Variants in FLI1 observed in about 807,000 individuals in gnomAD.
FLI1 encodes Friend leukemia integration 1 transcription factor.
Under a neutral mutation model 53.1 loss-of-function variants are expected in FLI1, and 13 were observed. The observed-to-expected ratio is 0.24, with a 90% CI of 0.16 to 0.39. FLI1 has a LOEUF of 0.39. Among genes scored for constraint, FLI1 ranks in the 10% least tolerant of loss-of-function variants. The probability of loss-of-function intolerance (pLI) is 1.00; values close to 1 mark genes in which losing one functional copy is unlikely to be tolerated. For synonymous variants in FLI1, 244 were observed against 236.7 expected (o/e 1.03, Z -0.28); for missense variants, 424 against 600.5 (o/e 0.71, Z 3.07).
At chr11:128,750,956 T>A (rs1483119375) in intron 1 of FLI1, among the ~76,000 whole-genome samples, 2 of 152,190 alleles carry the variant, frequency 1.3e-5, no homozygotes, top group East Asian at 3.8e-4. Context: ...CCACCTACCA[T>A]TTTCATTATC....
intron 1 of FLI1, among the ~76,000 whole-genome samples, chr11:128,706,231 T>A (rs1938541188): frequency 1.3e-5 from 2 of 152,264 alleles, no homozygotes; most frequent in South Asian, 4.1e-4. Flanking sequence ...GAGAAGAAGC[T>A]TCAAGGTGTA....
rs201691053 is a variant in FLI1, at chr11:128,694,294, G to A, written c.18+18G>A. ...CTATTAAGGTAAGCGGCGGGGCAAC[G>A]GACGCGGGCGGCGGGGACCGGCCGG... On this transcript the variant is annotated intron_variant, in intron 1 of 8. Transcript: ENST00000527786. 1.8e-5 allele frequency: 24 copies of A among 1,357,174 alleles called. No individual in the cohort carries two copies. The African/African-American group carries it at 3.1e-4, about 18-fold the overall frequency. 84.1% of individuals were successfully genotyped at this position (1,357,174 alleles called of 1,614,324 possible). A position where few individuals can be genotyped will look rare whatever the true frequency, so the allele number is the denominator to read the frequency against.
Position 128,810,939 on chromosome 11 carries a change from C to T in FLI1, c.1310C>T (p.Pro437Leu). 1 of 1,614,052 alleles carries T rather than the reference C, an allele frequency of 6.2e-7. No homozygotes were observed. The highest frequency in any genetic ancestry group is 2.2e-5 in the East Asian group (1 of 44,876). Reference sequence around the variant, plus strand: ...GGAATCTACCCCAACCCCAACGTCCCCCGCCATCCTAACACCCACGTGCCT... The same window carrying T: ...GGAATCTACCCCAACCCCAACGTCCTCCGCCATCCTAACACCCACGTGCCT... Reference protein sequence around the residue: ...TGGIYPNPNVPRHPNTHVPSH... With the variant: ...TGGIYPNPNVLRHPNTHVPSH... The change falls in exon 9 of 9, where the codon CCC becomes CTC. Residue 437 changes from proline (P) to leucine (L), a missense_variant. Coordinates refer to ENST00000527786, the MANE Select transcript of FLI1 (RefSeq NM_002017.5). This position sits in a 1 kb window ranked among gnomAD's most constrained non-coding sequence, Gnocchi z 6.6.
At chr11:128,731,539 C>CA (rs1205424722) in intron 1 of FLI1, among the ~76,000 whole-genome samples, 3 of 148,246 alleles carry the variant, frequency 2.0e-5, no homozygotes, top group Non-Finnish European at 4.5e-5. Flanking sequence ...AAAAACAAAA[C>CA]AAAAAACAAA....
intron 5 of FLI1, among the ~76,000 whole-genome samples, chr11:128,803,138 T>C (rs1942680058): frequency 6.6e-6 from 1 of 152,172 alleles, no homozygotes; most frequent in Non-Finnish European, 1.5e-5. Flanking sequence ...CCCTGGAATT[T>C]AGTGATTTTT....
chr11:128,731,701 A>G lies in FLI1; in HGVS notation c.19-26414A>G, dbSNP rs1027348136. Among the ~76,000 whole-genome samples, 6 of 152,206 alleles carry G rather than the reference A, an allele frequency of 3.9e-5. No homozygotes were observed. In the East Asian group the frequency reaches 1.2e-3, roughly 29 times the overall value. On this transcript the variant is annotated intron_variant, in intron 1 of 8. Coordinates refer to ENST00000527786, the MANE Select transcript of FLI1 (RefSeq NM_002017.5). ...GACCTCAGAACCGTCTCCTATTTTA[A>G]GATTTCAAAATGCTTAAGTAGATGG... is the stretch of plus-strand genomic sequence containing the variant.
At chr11:128,725,353 A>G (rs1019333983) in intron 1 of FLI1, among the ~76,000 whole-genome samples, 2 of 152,336 alleles carry the variant, frequency 1.3e-5, no homozygotes, top group Middle Eastern at 3.4e-3. Context: ...CCACATGCAC[A>G]CACATTCAAG....
At chr11:128,728,333 C>T (rs748630858) in intron 1 of FLI1, among the ~76,000 whole-genome samples, 3 of 152,332 alleles carry the variant, frequency 2.0e-5, no homozygotes, top group South Asian at 4.1e-4. Flanking sequence ...AACCATGGGA[C>T]GCCAGAGCCA....
chr11:128,708,832 G>A (rs780452966), intron 1 of FLI1, among the ~76,000 whole-genome samples: 11 of 152,120 alleles, frequency 7.2e-5, no homozygotes, highest in South Asian at 2.1e-4. Flanking sequence ...CACCCGCCCC[G>A]TCTTTTTATT....
chr11:128,800,042 C>T (rs777102766), intron 5 of FLI1, among the ~76,000 whole-genome samples: 1 of 152,162 alleles, frequency 6.6e-6, no homozygotes, highest in Non-Finnish European at 1.5e-5. Context: ...TCTTCCTCCT[C>T]GTGGGCTTGG....
chr11:128,751,590 G>A (rs1018473124), intron 1 of FLI1, among the ~76,000 whole-genome samples: 1 of 151,064 alleles, frequency 6.6e-6, no homozygotes, highest in Non-Finnish European at 1.5e-5. Context: ...GCAGTGGTGT[G>A]ATCTCGGCTC....
chr11:128,721,051 A>G lies in FLI1; in HGVS notation c.18+26775A>G, dbSNP rs557682811. Among the ~76,000 whole-genome samples, 10 of 152,220 alleles carry G rather than the reference A, an allele frequency of 6.6e-5. No individual in the cohort carries two copies. The East Asian group carries it at 1.9e-3, about 29-fold the overall frequency. ...CAGCTAACCTGAGCTCTCTCAACTA[A>G]TCCAGAGAAGCTTCTGGAGAATCTG... On this transcript the variant is annotated intron_variant, in intron 1 of 8. Coordinates refer to ENST00000527786, the MANE Select transcript of FLI1 (RefSeq NM_002017.5).
intron 1 of FLI1, among the ~76,000 whole-genome samples, chr11:128,698,458 T>C (rs923252653): frequency 1.3e-5 from 2 of 152,208 alleles, no homozygotes; most frequent in South Asian, 4.1e-4. Context: ...TTTAAGTTTA[T>C]AGGTTGGCAA....
At chr11:128,697,866 G>A (rs140870524) in intron 1 of FLI1, among the ~76,000 whole-genome samples, 4 of 152,334 alleles carry the variant, frequency 2.6e-5, no homozygotes, top group African/African-American at 9.6e-5. Flanking sequence ...GCTAGTGGAG[G>A]GAGCTGACAC....
At chr11:128,764,598 A>G (rs1941256537) in intron 2 of FLI1, 1 of 1,501,844 alleles carries the variant, frequency 6.7e-7, no homozygotes, top group Non-Finnish European at 8.9e-7. Context: ...TGAATGGCAA[A>G]ACCTCGTCCC....
At chr11:128,765,602 A>G (rs969186048) in intron 2 of FLI1, among the ~76,000 whole-genome samples, 3 of 152,142 alleles carry the variant, frequency 2.0e-5, no homozygotes, top group African/African-American at 7.2e-5. Flanking sequence ...GGGTCCTCCA[A>G]GGGAAGAGCG....
intron 1 of FLI1, among the ~76,000 whole-genome samples, chr11:128,755,025 T>C (rs1333525312): frequency 1.3e-5 from 2 of 152,212 alleles, no homozygotes; most frequent in Admixed American, 1.3e-4. Flanking sequence ...CCTTAAGAAG[T>C]CTCTCCTGGG....
chr11:128,707,608 T>G (rs1177930375), intron 1 of FLI1, among the ~76,000 whole-genome samples: 1 of 152,162 alleles, frequency 6.6e-6, no homozygotes, highest in South Asian at 2.1e-4. Context: ...ATAAACATAC[T>G]GAGTCTGAAG....
chr11:128,722,332 C>T (rs757054807), intron 1 of FLI1, among the ~76,000 whole-genome samples: 3 of 152,132 alleles, frequency 2.0e-5, no homozygotes, highest in Non-Finnish European at 2.9e-5. Context: ...TCAAGGGATG[C>T]TTCTCGGAGA....
Sources: allele counts gnomAD v4.1 joint callset (sites outside exome capture counted in the v4.1 genomes callset), GRCh38; gene constraint gnomAD v4.1.1; non-coding constraint Gnocchi (gnomAD v3.1); transcripts MANE v1.5; gene names NCBI Gene and HGNC (gene_info 2026-07-23, HGNC 2026-07-21).